The following SLC22A15 variants were observed in gnomAD, a reference collection of about 807,000 sequenced individuals.
SLC22A15 encodes solute carrier family 22 member 15.
In SLC22A15, 45 loss-of-function variants were observed where a neutral mutation model predicts 62.7. The ratio of observed to expected loss-of-function variants is 0.72; its 90% CI spans 0.56 to 0.92. SLC22A15 has a LOEUF of 0.92. SLC22A15 is among the 40% of genes least tolerant of loss of function. The pLI is 0.00. For missense variants in SLC22A15, 622 were observed against 665.6 expected (o/e 0.93, Z 0.72); for synonymous variants, 264 against 267.0 (o/e 0.99, Z 0.11).
intron 8 of SLC22A15, among the ~76,000 whole-genome samples, chr1:116,041,864 G>A (rs561388773): frequency 6.6e-6 from 1 of 152,130 alleles, no homozygotes; most frequent in African/African-American, 2.4e-5. Flanking sequence ...TCCATGAATG[G>A]TTTGTGTTCT....
intron 8 of SLC22A15, among the ~76,000 whole-genome samples, chr1:116,047,511 C>T (rs1657956156): frequency 6.6e-6 from 1 of 152,206 alleles, no homozygotes; most frequent in Non-Finnish European, 1.5e-5. Context: ...AGAACAGGCA[C>T]TGTTATCCAC....
At chr1:116,040,463 C>T (rs193089068) in intron 8 of SLC22A15, among the ~76,000 whole-genome samples, 2 of 152,150 alleles carry the variant, frequency 1.3e-5, no homozygotes, top group Non-Finnish European at 2.9e-5. Context: ...ATATATTATC[C>T]CCATTTTATA....
chr1:116,007,311 A>G (rs1364736486), intron 2 of SLC22A15, among the ~76,000 whole-genome samples: 2 of 152,180 alleles, frequency 1.3e-5, no homozygotes, highest in African/African-American at 2.4e-5. Flanking sequence ...ACCCTCCCTC[A>G]GGGCTCTTTG....
chr1:116,059,854 TATCTGGAA>T lies in SLC22A15; in HGVS notation c.1172-2906_1172-2899del, dbSNP rs1658332885. Among the ~76,000 whole-genome samples the T allele has an allele frequency of 1.3e-5, 2 of 152,222 alleles. 1 individual carries two copies. Among genetic ancestry groups the T allele is most frequent in the Admixed American group, 1.3e-4 (2 of 15,282 alleles). Reference sequence around the variant, plus strand: ...ATTTTTTGCTGGTGATCCCAAATGGTATCTGGAAAACCTTCCAGAAAAATAGTTCTGAA... The same window carrying T: ...ATTTTTTGCTGGTGATCCCAAATGGTAACCTTCCAGAAAAATAGTTCTGAA... On this transcript the variant is annotated intron_variant, in intron 8 of 11. Coordinates refer to ENST00000369503, the MANE Select transcript of SLC22A15 (RefSeq NM_018420.3).
At chr1:115,993,107 G>T (rs1468339588) in intron 2 of SLC22A15, among the ~76,000 whole-genome samples, 1 of 152,142 alleles carries the variant, frequency 6.6e-6, no homozygotes. Context: ...AGGGTAGATG[G>T]TCTGGTGAAG....
chr1:116,025,352 A>G (rs1446069203), intron 4 of SLC22A15, among the ~76,000 whole-genome samples: 1 of 152,156 alleles, frequency 6.6e-6, no homozygotes, highest in Non-Finnish European at 1.5e-5. Context: ...GTAGCTATTG[A>G]CTGTCTTAAA....
chr1:116,014,608 C>T (rs1656434813), intron 2 of SLC22A15, among the ~76,000 whole-genome samples: 1 of 152,064 alleles, frequency 6.6e-6, no homozygotes, highest in African/African-American at 2.4e-5. Context: ...ATTTGAAGTA[C>T]CTTAACATAA....
At chr1:115,983,883 A>G (rs1438653061) in intron 1 of SLC22A15, among the ~76,000 whole-genome samples, 2 of 152,170 alleles carry the variant, frequency 1.3e-5, no homozygotes, top group Non-Finnish European at 1.5e-5. Flanking sequence ...ATAAAATGCA[A>G]AAACAGCTGC....
chr1:116,059,293 T>C lies in SLC22A15; in HGVS notation c.1172-3469T>C, dbSNP rs187727034. On this transcript the variant is annotated intron_variant, in intron 8 of 11. Coordinates refer to ENST00000369503, the MANE Select transcript of SLC22A15 (RefSeq NM_018420.3). Reference sequence around the variant, plus strand: ...TAGCAGCTTATTTTAAAGTGAAATATACACTTACTATATGACCCAGCTTTA... The same window carrying C: ...TAGCAGCTTATTTTAAAGTGAAATACACACTTACTATATGACCCAGCTTTA... Among the ~76,000 whole-genome samples, 179 of 152,248 alleles carry C rather than the reference T, an allele frequency of 1.2e-3. No homozygotes were observed. The Middle Eastern group carries it at 0.024, about 20-fold the overall frequency.
intron 8 of SLC22A15, among the ~76,000 whole-genome samples, chr1:116,047,431 A>C (rs1159555855): frequency 6.6e-6 from 1 of 152,184 alleles, no homozygotes; most frequent in Admixed American, 6.5e-5. Flanking sequence ...CGTCTCAAAA[A>C]ACAAACAAAA....
chr1:116,000,037 G>T (rs1655642485), intron 2 of SLC22A15, among the ~76,000 whole-genome samples: 1 of 151,944 alleles, frequency 6.6e-6, no homozygotes, highest in African/African-American at 2.4e-5. Context: ...AGATCATTGG[G>T]TCTTGGTTTT....
Position 116,031,487 on chromosome 1 carries a change from C to A in SLC22A15, c.850C>A (p.Pro284Thr). ...CAAGTGCACGTTCTCACTAACACAC[C>A]CAGCCAACAGGAGCTGCAGGGAGAC... is the stretch of plus-strand genomic sequence containing the variant. ...KLKCTFSLTHPANRSCRETGS... is the reference protein window; with the variant it reads ...KLKCTFSLTHTANRSCRETGS... The change falls in exon 6 of 12, where the codon CCA becomes ACA. Residue 284 changes from proline (P) to threonine (T), a missense_variant. Physicochemically the swap from Pro to Thr is conservative, Grantham distance 38 (BLOSUM62 -1). Coordinates refer to ENST00000369503, the MANE Select transcript of SLC22A15 (RefSeq NM_018420.3). 6.2e-7 allele frequency: 1 copy of A among 1,613,980 alleles called. No homozygotes were observed. Among genetic ancestry groups the A allele is most frequent in the Non-Finnish European group, 8.5e-7 (1 of 1,179,868 alleles).
At chr1:116,032,757 T>A (rs1657470008) in intron 6 of SLC22A15, 1 of 494,056 alleles carries the variant, frequency 2.0e-6, no homozygotes. Flanking sequence ...ACATAGGAGC[T>A]GCTAATTTGA....
At chr1:115,983,918 A>G (rs1212664733) in intron 1 of SLC22A15, among the ~76,000 whole-genome samples, 2 of 152,158 alleles carry the variant, frequency 1.3e-5, no homozygotes, top group Non-Finnish European at 2.9e-5. Context: ...CCCTCTCCCA[A>G]ATCTAGCCTG....
intron 8 of SLC22A15, among the ~76,000 whole-genome samples, chr1:116,055,475 T>G (rs796337456): frequency 6.7e-6 from 1 of 148,228 alleles, no homozygotes; most frequent in Admixed American, 6.7e-5. Context: ...CTACCAGAGG[T>G]ACAAGGAGGA....
In SLC22A15 at chr1:116,037,343, G is replaced by T; in HGVS notation, c.1126G>T (p.Gly376Ter). The change falls in exon 8 of 12, where the codon GGA (glycine) becomes TGA (stop). Residue 376 changes from glycine (G) to a stop codon, truncating the protein, a stop_gained. Transcript: ENST00000369503. LOFTEE classifies it high-confidence loss of function. ...KRTLSAFLCLGGLACLIVMFL... is the reference protein window; with the variant it reads ...KRTLSAFLCL The stretch of plus-strand genomic sequence containing the variant: ...AACATTATCAGCATTTCTGTGCCTA[G>T]GAGGACTGGCTTGTCTTATTGTAAT... The T allele has an allele frequency of 6.2e-7, 1 of 1,613,436 alleles. No individual in the cohort carries two copies. The highest frequency in any genetic ancestry group is 8.5e-7 in the Non-Finnish European group (1 of 1,179,514).
At chr1:115,987,619 T>C (rs1654937066) in intron 1 of SLC22A15, among the ~76,000 whole-genome samples, 1 of 152,224 alleles carries the variant, frequency 6.6e-6, no homozygotes, top group Non-Finnish European at 1.5e-5. Context: ...ACTGGGCATA[T>C]AATCCTGTCT....
At chr1:116,003,139 T>C (rs909523619) in intron 2 of SLC22A15, among the ~76,000 whole-genome samples, 2 of 152,042 alleles carry the variant, frequency 1.3e-5, no homozygotes, top group Non-Finnish European at 2.9e-5. Context: ...GGTCTAGAAA[T>C]GTCATCCAGG....
intron 8 of SLC22A15, among the ~76,000 whole-genome samples, chr1:116,060,561 A>G (rs2101566296): frequency 6.6e-6 from 1 of 152,330 alleles, no homozygotes; most frequent in Non-Finnish European, 1.5e-5. Flanking sequence ...GTTCTGAAAG[A>G]TACCATTCTG....
Sources: allele counts gnomAD v4.1 joint callset (sites outside exome capture counted in the v4.1 genomes callset), GRCh38; gene constraint gnomAD v4.1.1; transcripts MANE v1.5; gene names NCBI Gene and HGNC (gene_info 2026-07-23, HGNC 2026-07-21).